Variants in XRCC2 observed in about 807,000 individuals in gnomAD.
XRCC2 encodes X-ray repair cross complementing 2.
A neutral mutation model predicts 27.3 loss-of-function variants in XRCC2; 24 were observed. That is an observed-to-expected ratio of 0.88 (90% CI 0.64 to 1.24). The LOEUF is 1.24. Among genes scored for constraint, XRCC2 ranks in the 50% most tolerant of loss-of-function variants. The pLI is 0.00. For synonymous variants in XRCC2, 106 were observed against 115.4 expected (o/e 0.92, Z 0.52); for missense variants, 321 against 325.8 (o/e 0.99, Z 0.11).
Position 152,648,906 on chromosome 7 carries a change from TGCAAAAAGAACCAG to T in XRCC2, c.565_578del (p.Leu189AsnfsTer25). The T allele has an allele frequency of 6.2e-7, 1 of 1,614,170 alleles. No homozygotes were observed. The highest frequency in any genetic ancestry group is 8.5e-7 in the Non-Finnish European group (1 of 1,180,026). On this transcript the variant is annotated frameshift_variant, in exon 3 of 3. Transcript: ENST00000359321. LOFTEE classifies it high-confidence loss of function. ...CTTTCTGCATTATAGTTTGTGTCGT[TGCAAAAAGAACCAG>T]GCGATAGTCATTTACAAGCTTCTCT...
intron 1 of XRCC2, among the ~76,000 whole-genome samples, chr7:152,674,398 G>A (rs2098039432): frequency 1.3e-5 from 2 of 151,976 alleles, no homozygotes; most frequent in South Asian, 4.1e-4. Flanking sequence ...GATCACCTGA[G>A]GTCAGGAGTT....
intron 1 of XRCC2, among the ~76,000 whole-genome samples, chr7:152,666,838 A>C (rs1184481222): frequency 6.7e-6 from 1 of 149,104 alleles, no homozygotes. Context: ...GGCTGGTCTC[A>C]AACTCCTGAC....
intron 1 of XRCC2, among the ~76,000 whole-genome samples, chr7:152,666,864 C>T (rs1408613767): frequency 6.6e-6 from 1 of 151,662 alleles, no homozygotes; most frequent in Non-Finnish European, 1.5e-5. Context: ...GTGATCCACC[C>T]GCCTCAGCCT....
chr7:152,675,958 C>A, intron 1 of XRCC2, 83 bp downstream of exon 1: 1 of 1,588,896 alleles, frequency 6.3e-7, no homozygotes, highest in South Asian at 1.1e-5. Flanking sequence ...CCAAGCCTCC[C>A]AATCCCCCGG....
chr7:152,656,739 C>T (rs1467199329), intron 2 of XRCC2, among the ~76,000 whole-genome samples: 3 of 152,280 alleles, frequency 2.0e-5, no homozygotes, highest in South Asian at 2.1e-4. Flanking sequence ...TCCTTCCTTA[C>T]AGAGAGAGTA....
chr7:152,666,160 T>A (rs1459545697), intron 1 of XRCC2, among the ~76,000 whole-genome samples: 2 of 152,342 alleles, frequency 1.3e-5, no homozygotes, highest in East Asian at 3.9e-4. Context: ...TTTAAAATTT[T>A]AAATTTGTTT....
At chr7:152,661,344 A>C (rs1410219311) in intron 1 of XRCC2, among the ~76,000 whole-genome samples, 1 of 152,228 alleles carries the variant, frequency 6.6e-6, no homozygotes, top group Non-Finnish European at 1.5e-5. Flanking sequence ...CAAAATTTTT[A>C]CCTTCCTTGT....
At position 152,648,696 on chromosome 7, in the gene XRCC2, G is replaced by A. The variant is rs1395130143; in HGVS notation, c.789C>T (p.Asn263=). ...FSLVSRCLKS[N]SLKKHFFIIG... is the part of the protein sequence containing the mutation. ...TAATAAAAAAATGTTTTTTTAAACT[G>A]TTACTTTTTAAACAACGTGAAACTA... Residue 263 remains asparagine, a synonymous_variant, in exon 3 of 3, where the codon AAC becomes AAT. Transcript: ENST00000359321. The A allele has an allele frequency of 6.2e-7, 1 of 1,607,738 alleles. No homozygotes were observed. The highest frequency in any genetic ancestry group is 1.3e-5 in the African/African-American group (1 of 74,476).
intron 1 of XRCC2, among the ~76,000 whole-genome samples, chr7:152,670,288 AT>A (rs1391883394): frequency 6.6e-6 from 1 of 152,208 alleles, no homozygotes; most frequent in African/African-American, 2.4e-5. Flanking sequence ...GGATATAAAC[AT>A]TTAAAAGGAA....
chr7:152,663,345 G>GTT (rs199803957), intron 1 of XRCC2, among the ~76,000 whole-genome samples: 1 of 5,460 alleles, frequency 1.8e-4, no homozygotes, highest in African/African-American at 6.9e-4. Flanking sequence ...TGTCTTTGAA[G>GTT]TAAAAAAAAA....
At chr7:152,654,180 G>A (rs3218505) in intron 2 of XRCC2, among the ~76,000 whole-genome samples, 135,338 of 142,938 alleles carry the variant, frequency 0.95, 64,129 homozygotes, top group Non-Finnish European at 0.95. Flanking sequence ...CTGGGCAACA[G>A]GAGTGAAACT....
At chr7:152,666,505 C>A (rs1382009585) in intron 1 of XRCC2, among the ~76,000 whole-genome samples, 3 of 152,114 alleles carry the variant, frequency 2.0e-5, no homozygotes, top group Non-Finnish European at 2.9e-5. Flanking sequence ...AGCCACCATG[C>A]CCAGTGGAAT....
chr7:152,671,570 C>T (rs561941636), intron 1 of XRCC2, among the ~76,000 whole-genome samples: 27 of 152,050 alleles, frequency 1.8e-4, no homozygotes, highest in African/African-American at 5.3e-4. Flanking sequence ...TGGATCTAGA[C>T]GCAATTGAGG....
intron 1 of XRCC2, among the ~76,000 whole-genome samples, chr7:152,675,175 C>T (rs1468919315): frequency 6.6e-6 from 1 of 152,116 alleles, no homozygotes; most frequent in Non-Finnish European, 1.5e-5. Context: ...TTGCAGTTAT[C>T]TAAATTAGCC....
intron 1 of XRCC2, among the ~76,000 whole-genome samples, chr7:152,665,095 T>C (rs567990176): frequency 6.6e-6 from 1 of 152,138 alleles, no homozygotes; most frequent in East Asian, 1.9e-4. Flanking sequence ...CAGCAGCCCA[T>C]CCAAGGAGAA....
chr7:152,666,503 T>G (rs1590136640), intron 1 of XRCC2, among the ~76,000 whole-genome samples: 1 of 150,626 alleles, frequency 6.6e-6, no homozygotes, highest in East Asian at 2.0e-4. Flanking sequence ...TGAGCCACCA[T>G]GCCCAGTGGA....
chr7:152,668,627 T>C (rs2098036919), intron 1 of XRCC2, among the ~76,000 whole-genome samples: 1 of 152,204 alleles, frequency 6.6e-6, no homozygotes, highest in African/African-American at 2.4e-5. Flanking sequence ...AGCTTGGTGA[T>C]GATAGCCATT....
chr7:152,649,756 T>C (rs1211613102), intron 2 of XRCC2, among the ~76,000 whole-genome samples: 1 of 152,180 alleles, frequency 6.6e-6, no homozygotes, highest in Non-Finnish European at 1.5e-5. Flanking sequence ...GGGAGGGAAA[T>C]GTGTCCACTT....
At chr7:152,654,073 G>A (rs1415401363) in intron 2 of XRCC2, among the ~76,000 whole-genome samples, 1 of 151,730 alleles carries the variant, frequency 6.6e-6, no homozygotes, top group Non-Finnish European at 1.5e-5. Flanking sequence ...GCACGTGCCT[G>A]TAATCCCAGC....
Sources: gnomAD v4.1 joint callset for allele counts (sites outside exome capture counted in the v4.1 genomes callset) on GRCh38, gnomAD v4.1.1 for gene constraint, MANE v1.5 for transcripts, NCBI Gene and HGNC (gene_info 2026-07-23, HGNC 2026-07-21) for gene names.